Variants in CDK14 observed in about 807,000 individuals in gnomAD.
CDK14 encodes cyclin-dependent kinase 14.
Under a neutral mutation model 60.7 loss-of-function variants are expected in CDK14, and 34 were observed. That is an observed-to-expected ratio of 0.56 (90% CI 0.43 to 0.75). The LOEUF is 0.75. Among genes scored for constraint, CDK14 ranks in the 30% least tolerant of loss-of-function variants. CDK14 has a pLI of 0.00. For synonymous variants in CDK14, 197 were observed against 203.7 expected (o/e 0.97, Z 0.28); for missense variants, 482 against 564.1 (o/e 0.85, Z 1.47).
intron 5 of CDK14, among the ~76,000 whole-genome samples, chr7:90,811,990 G>C (rs1019431512): frequency 6.6e-5 from 10 of 152,206 alleles, no homozygotes; most frequent in African/African-American, 2.4e-4. Flanking sequence ...AGGATGTGGA[G>C]AAATAGGAAC....
chr7:90,608,325 G>A (rs1799463581), intron 2 of CDK14, among the ~76,000 whole-genome samples: 1 of 152,138 alleles, frequency 6.6e-6, no homozygotes, highest in South Asian at 2.1e-4. Context: ...TGAAAGGTCA[G>A]AAAATACAGA....
intron 2 of CDK14, among the ~76,000 whole-genome samples, chr7:90,637,050 G>A (rs887589582): frequency 3.9e-4 from 59 of 152,044 alleles, no homozygotes; most frequent in African/African-American, 1.2e-3. Context: ...CCTTGCTAGC[G>A]GTCTATCAAT....
intron 5 of CDK14, among the ~76,000 whole-genome samples, chr7:90,792,763 T>A (rs574481039): frequency 6.6e-6 from 1 of 152,230 alleles, no homozygotes; most frequent in East Asian, 1.9e-4. Context: ...TCTACTCTGT[T>A]AGCCGTATAA....
intron 4 of CDK14, among the ~76,000 whole-genome samples, chr7:90,763,635 G>A (rs1804417779): frequency 6.6e-6 from 1 of 150,492 alleles, no homozygotes; most frequent in Admixed American, 6.6e-5. Context: ...AAGACACAGG[G>A]TGGGGAACAT....
At chr7:91,055,027 T>G (rs1413417646) in intron 11 of CDK14, among the ~76,000 whole-genome samples, 1 of 152,172 alleles carries the variant, frequency 6.6e-6, no homozygotes, top group Non-Finnish European at 1.5e-5. Context: ...TCATCTGAAG[T>G]GTGAAATCCT....
At chr7:91,174,683 G>A (rs1027941659) in intron 14 of CDK14, among the ~76,000 whole-genome samples, 10 of 131,786 alleles carry the variant, frequency 7.6e-5, no homozygotes, top group African/African-American at 2.6e-4. Flanking sequence ...GAGCCGATGC[G>A]ATCAACTGGA....
chr7:91,209,974 A>C lies in CDK14; in HGVS notation c.*2838A>C, dbSNP rs541355499. 19 of 152,704 alleles carry C rather than the reference A, an allele frequency of 1.2e-4. No homozygotes were observed. The highest frequency in any genetic ancestry group is 4.6e-4 in the African/African-American group (19 of 41,546). 9.5% of individuals were successfully genotyped at this position (152,704 alleles called of 1,614,324 possible). ...TGTGTATATGACAGCCAGTATAATC[A>C]ATACCCTAGGTTATGCGTCTATATG... is the stretch of plus-strand genomic sequence containing the variant. On this transcript the variant is annotated 3_prime_UTR_variant, in exon 15 of 15. Coordinates refer to ENST00000380050, the MANE Select transcript of CDK14 (RefSeq NM_001287135.2).
At chr7:91,008,396 A>G (rs1164892788) in intron 10 of CDK14, among the ~76,000 whole-genome samples, 1 of 152,200 alleles carries the variant, frequency 6.6e-6, no homozygotes, top group Non-Finnish European at 1.5e-5. Context: ...AGTTTAGAAT[A>G]AAGACCAAAT....
At chr7:91,032,725 G>A (rs1404620505) in intron 10 of CDK14, among the ~76,000 whole-genome samples, 1 of 152,182 alleles carries the variant, frequency 6.6e-6, no homozygotes, top group Non-Finnish European at 1.5e-5. Context: ...TCAGCCCATT[G>A]AAAACAAGTT....
intron 4 of CDK14, among the ~76,000 whole-genome samples, chr7:90,750,203 A>G (rs1803780626): frequency 7.5e-6 from 1 of 133,958 alleles, no homozygotes; most frequent in African/African-American, 2.8e-5. Context: ...CACACACACC[A>G]ATAATATTAC....
In CDK14 at chr7:90,667,690, C is replaced by CTGG. The variant is rs1801012967; in HGVS notation, c.124-58876_124-58875insGGT. On this transcript the variant is annotated intron_variant, in intron 2 of 14. Coordinates refer to ENST00000380050, the MANE Select transcript of CDK14 (RefSeq NM_001287135.2). ...GTTCACACCATTCTCCTGCCTCAAC[C>CTGG]TCCTGAGTAGCTGGGACTATAGGCG... Among the ~76,000 whole-genome samples, 3 of 152,164 alleles carry CTGG rather than the reference C, an allele frequency of 2.0e-5. No homozygotes were observed. In the South Asian group the frequency reaches 6.2e-4, roughly 32 times the overall value.
At chr7:90,691,976 T>A (rs1336307652) in intron 2 of CDK14, among the ~76,000 whole-genome samples, 1 of 152,152 alleles carries the variant, frequency 6.6e-6, no homozygotes, top group African/African-American at 2.4e-5. Context: ...TAAGCAGTTT[T>A]ATTTCAGATG....
At chr7:90,860,493 A>G (rs1035037098) in intron 5 of CDK14, among the ~76,000 whole-genome samples, 17 of 149,544 alleles carry the variant, frequency 1.1e-4, no homozygotes, top group African/African-American at 3.7e-4. Context: ...GTTGCAAAGA[A>G]TCTGATTATG....
chr7:90,689,178 G>A (rs974975252), intron 2 of CDK14, among the ~76,000 whole-genome samples: 2 of 152,106 alleles, frequency 1.3e-5, no homozygotes, highest in Non-Finnish European at 2.9e-5. Flanking sequence ...GGCTGAATGT[G>A]GTTGAAGAGG....
intron 10 of CDK14, among the ~76,000 whole-genome samples, chr7:90,984,845 A>G (rs905856708): frequency 1.8e-4 from 28 of 152,206 alleles, no homozygotes; most frequent in African/African-American, 6.8e-4. Flanking sequence ...GCCAAAACTG[A>G]CAGACATTCT....
intron 6 of CDK14, among the ~76,000 whole-genome samples, chr7:90,892,143 G>A (rs1044424298): frequency 2.0e-5 from 3 of 152,194 alleles, no homozygotes; most frequent in African/African-American, 7.2e-5. Flanking sequence ...TTTAGATGGA[G>A]GGATATTGCT....
chr7:91,046,000 A>T (rs1325861307), intron 11 of CDK14, 40 bp downstream of exon 11: 1 of 1,307,794 alleles, frequency 7.6e-7, no homozygotes, highest in Non-Finnish European at 1.1e-6. Context: ...TGCTTCCTAT[A>T]TGCAAAAGGT....
intron 2 of CDK14, among the ~76,000 whole-genome samples, chr7:90,621,647 T>TCCTG (rs763125461): frequency 0.14 from 10,331 of 71,408 alleles, 421 homozygotes; most frequent in Middle Eastern, 0.3. Context: ...CTTCCTTCCT[T>TCCTG]CCTTCCTTCC....
At chr7:90,817,810 G>T (rs1789404738) in intron 5 of CDK14, among the ~76,000 whole-genome samples, 1 of 152,146 alleles carries the variant, frequency 6.6e-6, no homozygotes, top group Non-Finnish European at 1.5e-5. Flanking sequence ...TACTCTCAGG[G>T]ACTTCCAAGG....
Sources: allele counts gnomAD v4.1 joint callset (sites outside exome capture counted in the v4.1 genomes callset), GRCh38; gene constraint gnomAD v4.1.1; transcripts MANE v1.5; gene names NCBI Gene and HGNC (gene_info 2026-07-23, HGNC 2026-07-21).